CEP128: variants seen among roughly 807,000 people sequenced by gnomAD.
CEP128 encodes centrosomal protein 128, also known as centrosomal protein 128kDa.
Under a neutral mutation model 156.7 loss-of-function variants are expected in CEP128, and 132 were observed. The ratio of observed to expected loss-of-function variants is 0.84; its 90% confidence interval spans 0.73 to 0.97. CEP128 has a LOEUF of 0.97. CEP128 is among the 50% of genes least tolerant of loss of function. The pLI is 0.00. For missense variants in CEP128, 1,252 were observed against 1,281.9 expected, an observed-to-expected ratio of 0.98 and a Z score of 0.36; for synonymous variants, 469 against 448.9, an observed-to-expected ratio of 1.04 and a Z score of -0.57.
chr14:80,753,580 A>G (rs1899495957), intron 18 of CEP128, among the ~76,000 whole-genome samples: 1 of 152,128 alleles, frequency 6.6e-6, no homozygotes. Flanking sequence ...CCTGCGCTAG[A>G]TTTGACATGT....
At chr14:80,757,090 C>A in intron 17 of CEP128, 139 bp from the exon 18 acceptor site, 1 of 593,608 alleles carries the variant, frequency 1.7e-6, no homozygotes, top group South Asian at 2.3e-5. Context: ...GCCCCAAATA[C>A]TCAACCAGTT....
At chr14:80,925,480 T>C (rs1252248817) in intron 2 of CEP128, among the ~76,000 whole-genome samples, 6 of 152,334 alleles carry the variant, frequency 3.9e-5, no homozygotes. Flanking sequence ...TCCAAATCCA[T>C]CCTTCATTGT....
intron 19 of CEP128, among the ~76,000 whole-genome samples, chr14:80,713,338 A>C (rs1428941391): frequency 6.6e-6 from 1 of 151,996 alleles, no homozygotes; most frequent in Non-Finnish European, 1.5e-5. Context: ...TGTCTTTGGA[A>C]ACAATGTTTT....
chr14:80,656,241 G>T (rs1895129407), intron 19 of CEP128, among the ~76,000 whole-genome samples: 1 of 120,444 alleles, frequency 8.3e-6, no homozygotes, highest in African/African-American at 3.1e-5. Context: ...TGAAAGTGAA[G>T]GATCCTCAAG....
intron 19 of CEP128, among the ~76,000 whole-genome samples, chr14:80,632,132 A>G (rs1893986918): frequency 6.6e-6 from 1 of 152,116 alleles, no homozygotes; most frequent in Admixed American, 6.5e-5. Context: ...TTCCATAATA[A>G]TTAACACAGA....
intron 10 of CEP128, among the ~76,000 whole-genome samples, chr14:80,839,758 A>G (rs1240836195): frequency 3.9e-5 from 6 of 152,156 alleles, no homozygotes; most frequent in Non-Finnish European, 1.5e-5. Context: ...AAAATTATAC[A>G]TGTGGCTCAT....
At chr14:80,758,945 C>G (rs570853682) in intron 17 of CEP128, among the ~76,000 whole-genome samples, 1 of 152,088 alleles carries the variant, frequency 6.6e-6, no homozygotes. Context: ...CAATATGAAC[C>G]TATACCTGTC....
chr14:80,942,973 A>T (rs1325536430), upstream of CEP128, among the ~76,000 whole-genome samples: 6 of 152,030 alleles, frequency 3.9e-5, no homozygotes, highest in Non-Finnish European at 1.5e-5. Context: ...TCTTCCAAAG[A>T]CCTCCTATGC....
At chr14:80,624,304 A>G (rs1893617384) in intron 19 of CEP128, among the ~76,000 whole-genome samples, 1 of 151,982 alleles carries the variant, frequency 6.6e-6, no homozygotes, top group South Asian at 2.1e-4. Context: ...TATATAACAC[A>G]TTTTCTTTAT....
At chr14:80,754,861 T>C (rs772903052) in intron 18 of CEP128, among the ~76,000 whole-genome samples, 1 of 152,164 alleles carries the variant, frequency 6.6e-6, no homozygotes, top group Non-Finnish European at 1.5e-5. Flanking sequence ...GGCCTTACCA[T>C]ACCTTGTTAG....
intron 16 of CEP128, among the ~76,000 whole-genome samples, chr14:80,776,889 C>G (rs533921091): frequency 1.6e-4 from 24 of 152,196 alleles, no homozygotes; most frequent in African/African-American, 5.5e-4. Context: ...CTTTTTGCCA[C>G]AAGAGAACCT....
chr14:80,752,201 T>G (rs1227133499), intron 18 of CEP128, among the ~76,000 whole-genome samples: 3 of 152,210 alleles, frequency 2.0e-5, no homozygotes, highest in Non-Finnish European at 4.4e-5. Context: ...TTACTATGCT[T>G]CTTTTCCCAA....
rs144474498 is a variant in CEP128, at chr14:80,587,937, T to C, written c.2807-7514A>G. Among the ~76,000 whole-genome samples, 414 of 152,264 alleles carry C rather than the reference T, an allele frequency of 2.7e-3. 2 individuals are homozygous for C. Among genetic ancestry groups the C allele is most frequent in the African/African-American group, 9.0e-3 (375 of 41,570 alleles). ...TTGGGCTGGGAGAAAGTTTATCCTATGCTCTGTTCTTGTTCTAGACTCATA... is the reference window on the plus strand; with the variant it reads ...TTGGGCTGGGAGAAAGTTTATCCTACGCTCTGTTCTTGTTCTAGACTCATA... On this transcript the variant is annotated intron_variant, in intron 19 of 24. Transcript: ENST00000555265.
chr14:80,673,550 G>C (rs1038909695), intron 19 of CEP128, among the ~76,000 whole-genome samples: 28 of 140,370 alleles, frequency 2.0e-4, no homozygotes, highest in African/African-American at 6.3e-4. Flanking sequence ...GGAGGCTGAG[G>C]CAGGAGAATG....
chr14:80,947,006 A>T (rs114443968), intron 2 of CEP128, among the ~76,000 whole-genome samples: 316 of 152,288 alleles, frequency 2.1e-3, no homozygotes, highest in Middle Eastern at 6.8e-3. Context: ...CTGCCATGTG[A>T]AAAAGGTGCT....
At chr14:80,759,233 G>A (rs548424516) in intron 17 of CEP128, among the ~76,000 whole-genome samples, 9 of 152,156 alleles carry the variant, frequency 5.9e-5, no homozygotes, top group African/African-American at 2.2e-4. Flanking sequence ...AAAGAAAAAT[G>A]TAACTAAAAA....
At chr14:80,693,815 T>C (rs148798307) in intron 19 of CEP128, among the ~76,000 whole-genome samples, 34 of 152,304 alleles carry the variant, frequency 2.2e-4, no homozygotes, top group African/African-American at 7.9e-4. Context: ...AACTTATAAT[T>C]TGGTTGAAAC....
At chr14:80,718,013 A>G (rs774903177) in intron 19 of CEP128, among the ~76,000 whole-genome samples, 3 of 151,948 alleles carry the variant, frequency 2.0e-5, no homozygotes, top group South Asian at 2.1e-4. Flanking sequence ...GTGTATGTGT[A>G]TGTGTGTGTA....
chr14:80,772,694 C>A (rs1275643249), intron 16 of CEP128, among the ~76,000 whole-genome samples: 1 of 152,120 alleles, frequency 6.6e-6, no homozygotes, highest in Non-Finnish European at 1.5e-5. Context: ...GAGGTAGTTG[C>A]CCCAACTCCT....
Sources: gnomAD v4.1 joint callset for allele counts (sites outside exome capture counted in the v4.1 genomes callset) on GRCh38, gnomAD v4.1.1 for gene constraint, MANE v1.5 for transcripts, NCBI Gene and HGNC (gene_info 2026-07-23, HGNC 2026-07-21) for gene names.